Variants in STAG1 observed in about 807,000 individuals in gnomAD.
STAG1 encodes the protein cohesin subunit SA-1.
A neutral mutation model predicts 170.9 loss-of-function variants in STAG1; 26 were observed. The ratio of observed to expected loss-of-function variants is 0.15; its 90% CI spans 0.11 to 0.21. STAG1 has a LOEUF of 0.21. STAG1 is among the 10% of genes least tolerant of loss of function. The pLI, the probability that STAG1 is intolerant of heterozygous loss-of-function variation, is 1.00. For synonymous variants in STAG1, 514 were observed against 497.7 expected (o/e 1.03, Z -0.44); for missense variants, 964 against 1,509.5 (o/e 0.64, Z 5.99).
intron 6 of STAG1, among the ~76,000 whole-genome samples, chr3:136,523,010 A>T (rs1008497785): frequency 1.3e-5 from 2 of 152,134 alleles, no homozygotes; most frequent in Non-Finnish European, 2.9e-5. Flanking sequence ...GCTATTGTGA[A>T]TAGTGCCGCA....
intron 21 of STAG1, among the ~76,000 whole-genome samples, chr3:136,409,734 A>G (rs1029440770): frequency 6.6e-6 from 1 of 152,140 alleles, no homozygotes; most frequent in Non-Finnish European, 1.5e-5. Flanking sequence ...ACTAGCATCT[A>G]ATCTCTCCCC....
At chr3:136,751,816 G>T (rs879727234) in intron 1 of STAG1, among the ~76,000 whole-genome samples, 7 of 151,136 alleles carry the variant, frequency 4.6e-5, no homozygotes, top group Admixed American at 3.3e-4. Context: ...GGCGGGGGGG[G>T]GCGGAGGGCG....
chr3:136,528,950 A>G (rs1935219763), intron 6 of STAG1, among the ~76,000 whole-genome samples: 1 of 151,370 alleles, frequency 6.6e-6, no homozygotes, highest in Non-Finnish European at 1.5e-5. Flanking sequence ...AAACAAAACA[A>G]AACAAAAAAA....
intron 1 of STAG1, among the ~76,000 whole-genome samples, chr3:136,743,315 C>T (rs2107953583): frequency 6.6e-6 from 1 of 151,354 alleles, no homozygotes; most frequent in African/African-American, 2.4e-5. Flanking sequence ...TTACAGTGAG[C>T]TAAGATTGCA....
Position 136,660,059 on chromosome 3 carries a change from TGCA to T in STAG1, c.-83-29081_-83-29079del, listed in dbSNP as rs547178284. On this transcript the variant is annotated intron_variant, in intron 1 of 33. Coordinates refer to ENST00000383202, the MANE Select transcript of STAG1 (RefSeq NM_005862.3). ...AAAAATTAATGTTTTTCAACATACA[TGCA>T]GCATGTGCGTGTGCGCATGTGTGTC... Among the ~76,000 whole-genome samples the T allele has an allele frequency of 1.4e-4, 22 of 152,356 alleles. No individual in the cohort carries two copies. The East Asian group carries it at 3.9e-3, about 27-fold the overall frequency.
intron 6 of STAG1, among the ~76,000 whole-genome samples, chr3:136,534,631 C>T (rs1935536819): frequency 6.6e-6 from 1 of 151,898 alleles, no homozygotes; most frequent in South Asian, 2.1e-4. Flanking sequence ...AAATGGCCAA[C>T]AGGTATATGA....
chr3:136,347,901 T>C (rs1936293107), intron 29 of STAG1, among the ~76,000 whole-genome samples: 1 of 152,238 alleles, frequency 6.6e-6, no homozygotes, highest in Admixed American at 6.5e-5. Flanking sequence ...TTAAGTAATA[T>C]GCTCAAAGGT....
At chr3:136,340,239 C>T (rs1418444441) in intron 32 of STAG1, among the ~76,000 whole-genome samples, 3 of 152,178 alleles carry the variant, frequency 2.0e-5, no homozygotes, top group Non-Finnish European at 4.4e-5. Context: ...ACTACAACCT[C>T]AGCCTCCCAA....
chr3:136,712,013 A>T (rs1409417100), intron 1 of STAG1, among the ~76,000 whole-genome samples: 2 of 152,126 alleles, frequency 1.3e-5, no homozygotes, highest in African/African-American at 4.8e-5. Context: ...CTATTCAGAT[A>T]ACTTTTTTTG....
intron 21 of STAG1, among the ~76,000 whole-genome samples, chr3:136,405,732 T>C (rs1368006245): frequency 7.2e-6 from 1 of 138,956 alleles, no homozygotes; most frequent in Admixed American, 7.9e-5. Flanking sequence ...GGCAGGTGTC[T>C]GTAATCCCAG....
Position 136,377,737 on chromosome 3 carries a change from A to T in STAG1, c.2293T>A (p.Leu765Met). 1 of 1,614,028 alleles carries T rather than the reference A, an allele frequency of 6.2e-7. No homozygotes were observed. ...AAAAAGGATTTCACCGTTTTCCTCA[A>T]TACCAACAAATCCTCCTGTAAGACA... ...GSPSKEDLLV[L>M]RKTVKSFLAV... Residue 765 changes from leucine (L) to methionine (M), a missense_variant, in exon 23 of 34, where the codon TTG becomes ATG. Leu to Met is a conservative substitution (Grantham distance 15). Coordinates refer to ENST00000383202, the MANE Select transcript of STAG1 (RefSeq NM_005862.3).
At chr3:136,626,775 G>GT (rs1940117898) in intron 2 of STAG1, among the ~76,000 whole-genome samples, 1 of 152,168 alleles carries the variant, frequency 6.6e-6, no homozygotes, top group Non-Finnish European at 1.5e-5. Flanking sequence ...CAAAAACCTT[G>GT]TAAGAAGCAT....
At chr3:136,368,375 C>T (rs986568398) in intron 24 of STAG1, among the ~76,000 whole-genome samples, 1 of 152,122 alleles carries the variant, frequency 6.6e-6, no homozygotes, top group Admixed American at 6.6e-5. Flanking sequence ...GCAGGCATAG[C>T]ACAATTTTCA....
At chr3:136,498,233 T>TATATATATATACACACAC in intron 9 of STAG1, among the ~76,000 whole-genome samples, 2 of 57,492 alleles carry the variant, frequency 3.5e-5, no homozygotes, top group Admixed American at 2.2e-4. Context: ...TATATATATA[T>TATATATATATACACACAC]ACACATACAT....
chr3:136,439,443 A>C (rs13316240), intron 15 of STAG1, among the ~76,000 whole-genome samples: 5,118 of 44,472 alleles, frequency 0.12, 378 homozygotes, highest in African/African-American at 0.24. Flanking sequence ...CACACACACA[A>C]ACACTGTAAG....
At chr3:136,671,079 C>T (rs955220960) in intron 1 of STAG1, among the ~76,000 whole-genome samples, 1 of 151,966 alleles carries the variant, frequency 6.6e-6, no homozygotes, top group Non-Finnish European at 1.5e-5. Flanking sequence ...GAGGTCAAGA[C>T]TTCAAGACCA....
chr3:136,557,515 G>A (rs531180882), intron 5 of STAG1, among the ~76,000 whole-genome samples: 1 of 152,074 alleles, frequency 6.6e-6, no homozygotes, highest in East Asian at 1.9e-4. Context: ...TCATGACCAC[G>A]GTGTAAATAA....
At chr3:136,598,874 T>G (rs1013030151) in intron 4 of STAG1, among the ~76,000 whole-genome samples, 7 of 152,182 alleles carry the variant, frequency 4.6e-5, no homozygotes. Context: ...CTTTCAAAAT[T>G]TCCTTAATAC....
rs550092830 is a variant in STAG1 at position 136,601,783 on chromosome 3, GC to G, written c.297+2525del. 3.9e-5 allele frequency among the ~76,000 whole-genome samples: 6 copies of G among 152,220 alleles called. No individual in the cohort carries two copies. In the South Asian group the frequency reaches 1.2e-3, roughly 32 times the overall value. ...ACCTGTGGGGCAGAAGTTGCAGTGA[GC>G]TGAGATCGTCCACTGTACTTCAGCC... On this transcript the variant is annotated intron_variant, in intron 4 of 33. Coordinates refer to ENST00000383202, the MANE Select transcript of STAG1 (RefSeq NM_005862.3).
Sources: gnomAD v4.1 joint callset for allele counts (sites outside exome capture counted in the v4.1 genomes callset) on GRCh38, gnomAD v4.1.1 for gene constraint, MANE v1.5 for transcripts, NCBI Gene and HGNC (gene_info 2026-07-23, HGNC 2026-07-21) for gene names.